RALGAPA2: variants seen among roughly 807,000 people sequenced by gnomAD.
RALGAPA2 encodes the protein ral GTPase-activating protein subunit alpha-2.
RALGAPA2 carries 139 observed loss-of-function variants against 230.4 expected under a neutral mutation model. That is an observed-to-expected ratio of 0.60 (90% confidence interval 0.53 to 0.69). The LOEUF (loss-of-function observed/expected upper bound fraction) is 0.69. RALGAPA2 is among the 30% of genes least tolerant of loss of function. The probability of loss-of-function intolerance (pLI) is 0.00; values close to 1 mark genes in which losing one functional copy is unlikely to be tolerated. For missense variants in RALGAPA2, 2,163 were observed against 2,276.0 expected (o/e 0.95, Z 1.01); for synonymous variants, 847 against 837.8 (o/e 1.01, Z -0.19).
chr20:20,466,234 T>C (rs939374609), intron 37 of RALGAPA2, among the ~76,000 whole-genome samples: 2 of 152,276 alleles, frequency 1.3e-5, no homozygotes, highest in African/African-American at 4.8e-5. Context: ...GTCAAAAGTC[T>C]AGATTTTTTA....
At chr20:20,708,409 G>A (rs775941845) in intron 1 of RALGAPA2, among the ~76,000 whole-genome samples, 11 of 152,162 alleles carry the variant, frequency 7.2e-5, no homozygotes, top group Non-Finnish European at 1.3e-4. Context: ...GCCGGGTGGA[G>A]ATAATTGAAT....
chr20:20,486,287 T>C (rs2061909180), intron 36 of RALGAPA2, among the ~76,000 whole-genome samples: 1 of 151,976 alleles, frequency 6.6e-6, no homozygotes, highest in Admixed American at 6.6e-5. Context: ...GGTCTACTAA[T>C]CACACATTCC....
chr20:20,685,317 A>G (rs1335968718), intron 1 of RALGAPA2, among the ~76,000 whole-genome samples: 1 of 152,228 alleles, frequency 6.6e-6, no homozygotes, highest in African/African-American at 2.4e-5. Flanking sequence ...AACAGGCACC[A>G]TGGCTGAAGC....
At chr20:20,520,074 C>A (rs545475398) in intron 31 of RALGAPA2, among the ~76,000 whole-genome samples, 1 of 152,130 alleles carries the variant, frequency 6.6e-6, no homozygotes, top group African/African-American at 2.4e-5. Context: ...GTTGAGACAA[C>A]TGAAGATTCA....
At chr20:20,674,656 G>A (rs2068253872) in intron 3 of RALGAPA2, among the ~76,000 whole-genome samples, 1 of 152,208 alleles carries the variant, frequency 6.6e-6, no homozygotes, top group Non-Finnish European at 1.5e-5. Context: ...TAATCCAGCA[G>A]TGGGACTGAA....
At chr20:20,538,894 T>G (rs1361276241) in intron 24 of RALGAPA2, among the ~76,000 whole-genome samples, 1 of 152,132 alleles carries the variant, frequency 6.6e-6, no homozygotes, top group African/African-American at 2.4e-5. Context: ...TAGCCTCCCC[T>G]CCTGCAAAGT....
chr20:20,420,533 A>T (rs1044673033), intron 37 of RALGAPA2, among the ~76,000 whole-genome samples: 2 of 152,190 alleles, frequency 1.3e-5, no homozygotes, highest in African/African-American at 2.4e-5. Flanking sequence ...GAATGACCTT[A>T]AGCATAACCA....
chr20:20,546,560 A>T, intron 24 of RALGAPA2, 144 bp downstream of exon 24: 4 of 1,118,556 alleles, frequency 3.6e-6, no homozygotes, highest in Non-Finnish European at 1.2e-6. Flanking sequence ...AATTTCACAC[A>T]TCAGCTGCCA....
chr20:20,401,757 T>A (rs990773354), intron 38 of RALGAPA2, among the ~76,000 whole-genome samples: 6 of 152,212 alleles, frequency 3.9e-5, no homozygotes, highest in African/African-American at 1.4e-4. Flanking sequence ...CTGGTAGTTT[T>A]ACCGATAAAA....
intron 4 of RALGAPA2, among the ~76,000 whole-genome samples, chr20:20,651,329 C>CT (rs1253110855): frequency 1.3e-5 from 2 of 152,156 alleles, no homozygotes; most frequent in Non-Finnish European, 2.9e-5. Context: ...GCCTGTTTGA[C>CT]TTTAAGTATA....
At chr20:20,602,947 A>G (rs990312335) in intron 15 of RALGAPA2, among the ~76,000 whole-genome samples, 14 of 152,184 alleles carry the variant, frequency 9.2e-5, no homozygotes, top group African/African-American at 3.4e-4. Context: ...AGGTATCCTT[A>G]GCCAGGTAAG....
At position 20,525,230 on chromosome 20, in the gene RALGAPA2, T is replaced by C. The variant is rs115636562; in HGVS notation, c.3694-332A>G. On this transcript the variant is annotated intron_variant, in intron 28 of 39. Transcript: ENST00000202677. ...AAAAAAATACTTCTAAAAATAATTA[T>C]GAAAATGCTCCCATTTTAGTTTTAT... is the stretch of plus-strand genomic sequence containing the variant. Among the ~76,000 whole-genome samples the C allele has an allele frequency of 1.1e-3, 161 of 152,342 alleles. 1 individual carries two copies. Among genetic ancestry groups the C allele is most frequent in the African/African-American group, 3.6e-3 (150 of 41,572 alleles).
rs1432095746 is a variant in RALGAPA2, at chr20:20,472,840, G to A, written c.5484C>T (p.Leu1828=). Residue 1828 remains leucine, a synonymous_variant, in exon 37 of 40, where the codon CTC becomes CTT. Coordinates refer to ENST00000202677, the MANE Select transcript of RALGAPA2 (RefSeq NM_020343.4). ...AAGCAAAAAGATACAAGCTCTGGTAGAGTGGGATGAGGCACTTCACAGCCC... is the reference window on the plus strand; with the variant it reads ...AAGCAAAAAGATACAAGCTCTGGTAAAGTGGGATGAGGCACTTCACAGCCC... ...ASRAVKCLIP[L]YQSFYEERAL... The A allele has an allele frequency of 6.2e-7, 1 of 1,612,802 alleles. No homozygotes were observed. The highest frequency in any genetic ancestry group is 8.5e-7 in the Non-Finnish European group (1 of 1,179,482).
chr20:20,607,625 C>A (rs1192564222), intron 14 of RALGAPA2, among the ~76,000 whole-genome samples: 1 of 151,918 alleles, frequency 6.6e-6, no homozygotes, highest in Non-Finnish European at 1.5e-5. Flanking sequence ...ATAATCTGAG[C>A]CAAGTAAGAG....
chr20:20,444,960 T>C (rs1174956633), intron 37 of RALGAPA2, among the ~76,000 whole-genome samples: 1 of 152,218 alleles, frequency 6.6e-6, no homozygotes, highest in Non-Finnish European at 1.5e-5. Context: ...AGCCACAGGA[T>C]CACCTGTGTT....
At chr20:20,458,881 C>T (rs1019235214) in intron 37 of RALGAPA2, among the ~76,000 whole-genome samples, 136 of 12,880 alleles carry the variant, frequency 0.011, 5 homozygotes, top group African/African-American at 0.043. Flanking sequence ...TATATACACA[C>T]ACACAAATAA....
chr20:20,421,119 C>A (rs530802787), intron 37 of RALGAPA2, among the ~76,000 whole-genome samples: 2 of 138,676 alleles, frequency 1.4e-5, no homozygotes, highest in South Asian at 2.4e-4. Context: ...ATAAAGACAA[C>A]CAAGTTTAAA....
chr20:20,488,206 T>C (rs1298048409), intron 36 of RALGAPA2, among the ~76,000 whole-genome samples: 1 of 152,236 alleles, frequency 6.6e-6, no homozygotes, highest in African/African-American at 2.4e-5. Flanking sequence ...CCCATGTTGC[T>C]GAAAGGTCAA....
intron 38 of RALGAPA2, among the ~76,000 whole-genome samples, chr20:20,403,718 C>G (rs2059893758): frequency 6.6e-6 from 1 of 152,214 alleles, no homozygotes; most frequent in Admixed American, 6.5e-5. Context: ...AGGGATGTAG[C>G]TAGGGAGCAG....
Sources: gnomAD v4.1 joint callset for allele counts (sites outside exome capture counted in the v4.1 genomes callset) on GRCh38, gnomAD v4.1.1 for gene constraint, MANE v1.5 for transcripts, NCBI Gene and HGNC (gene_info 2026-07-23, HGNC 2026-07-21) for gene names.